ALK: variants seen among roughly 807,000 people sequenced by gnomAD.
ALK encodes ALK tyrosine kinase receptor.
Under a neutral mutation model 163.1 loss-of-function variants are expected in ALK, and 74 were observed. The observed-to-expected ratio is 0.45, with a 90% CI of 0.38 to 0.55. ALK has a LOEUF of 0.55. ALK is among the 20% of genes least tolerant of loss of function. The pLI, the probability that ALK is intolerant of heterozygous loss-of-function variation, is 0.00. For synonymous variants in ALK, 960 were observed against 843.2 expected, an observed-to-expected ratio of 1.14 and a Z score of -2.40; for missense variants, 2,063 against 2,105.3, an observed-to-expected ratio of 0.98 and a Z score of 0.39.
chr2:29,625,026 A>C (rs1386328185), intron 3 of ALK, among the ~76,000 whole-genome samples: 1 of 152,090 alleles, frequency 6.6e-6, no homozygotes, highest in Non-Finnish European at 1.5e-5. Flanking sequence ...TGCCCACATG[A>C]GTGGTATGGA....
intron 4 of ALK, among the ~76,000 whole-genome samples, chr2:29,435,579 T>C (rs888236038): frequency 6.6e-6 from 1 of 150,560 alleles, no homozygotes; most frequent in South Asian, 2.1e-4. Flanking sequence ...AACATAAAAA[T>C]ACAGAAGTTT....
In ALK at chr2:29,775,499, T is replaced by C. The variant is rs145546829; in HGVS notation, c.668-57802A>G. Among the ~76,000 whole-genome samples, 717 of 151,708 alleles carry C rather than the reference T, an allele frequency of 4.7e-3. 8 individuals are homozygous for C. Among genetic ancestry groups the C allele is most frequent in the African/African-American group, 0.016 (669 of 41,264 alleles). On this transcript the variant is annotated intron_variant, in intron 1 of 28. Coordinates refer to ENST00000389048, the MANE Select transcript of ALK (RefSeq NM_004304.5). ...GCTTTTCCTCATAGTCAGAAACCTG[T>C]TCCACCATGTAGGATCGGAGTGGAC...
chr2:29,455,853 C>T (rs1670937549), intron 4 of ALK, among the ~76,000 whole-genome samples: 1 of 152,174 alleles, frequency 6.6e-6, no homozygotes, highest in Non-Finnish European at 1.5e-5. Context: ...AGAGAACTGA[C>T]ACAACCAGGC....
chr2:29,532,789 A>C (rs1371238671), intron 3 of ALK, among the ~76,000 whole-genome samples: 4 of 152,224 alleles, frequency 2.6e-5, no homozygotes, highest in Admixed American at 6.5e-5. Flanking sequence ...TGTTCCAGGC[A>C]TTCCTTCTGA....
chr2:29,894,820 A>G (rs1667227076), intron 1 of ALK, among the ~76,000 whole-genome samples: 1 of 150,636 alleles, frequency 6.6e-6, no homozygotes, highest in Admixed American at 6.6e-5. Flanking sequence ...ATCTGTGAGA[A>G]TGTGATGCTT....
intron 3 of ALK, among the ~76,000 whole-genome samples, chr2:29,653,233 G>A (rs556665775): frequency 2.8e-4 from 43 of 152,220 alleles, no homozygotes; most frequent in African/African-American, 1.0e-3. Flanking sequence ...TTTGGCGTGA[G>A]AGCTGAGAAA....
chr2:29,281,120 G>A (rs943681204), intron 9 of ALK, among the ~76,000 whole-genome samples: 12 of 152,208 alleles, frequency 7.9e-5, no homozygotes, highest in African/African-American at 2.9e-4. Flanking sequence ...GTTCTGGCAT[G>A]TAGACCACTC....
At chr2:29,686,569 G>C (rs951334326) in intron 3 of ALK, among the ~76,000 whole-genome samples, 1 of 152,222 alleles carries the variant, frequency 6.6e-6, no homozygotes, top group Non-Finnish European at 1.5e-5. Context: ...TCAAGACCCA[G>C]AGAGGTAAAG....
intron 3 of ALK, among the ~76,000 whole-genome samples, chr2:29,560,392 C>T (rs1673986527): frequency 6.6e-6 from 1 of 152,058 alleles, no homozygotes; most frequent in South Asian, 2.1e-4. Flanking sequence ...GCTGTAGAGA[C>T]AAGAAATAGA....
chr2:29,547,643 C>G (rs1673591459), intron 3 of ALK, among the ~76,000 whole-genome samples: 5 of 152,108 alleles, frequency 3.3e-5, no homozygotes, highest in Admixed American at 3.3e-4. Context: ...TAAGAAAGGC[C>G]AGAGGGGAAC....
intron 4 of ALK, among the ~76,000 whole-genome samples, chr2:29,417,431 G>T (rs1163238632): frequency 1.3e-5 from 2 of 152,112 alleles, no homozygotes; most frequent in African/African-American, 4.8e-5. Flanking sequence ...TGTAAAATGA[G>T]TTCTGTAGAA....
rs112125804 is a variant in ALK, at chr2:29,595,867, A to C, written c.953-63751T>G. ...AGTTTTCTGAAGCTGAGAGAATTCC[A>C]GGACTGAAGGGAAAAAGCAGAAGAA... is the stretch of plus-strand genomic sequence containing the variant. On this transcript the variant is annotated intron_variant, in intron 3 of 28. Transcript: ENST00000389048. Among the ~76,000 whole-genome samples, 175 of 152,366 alleles carry C rather than the reference A, an allele frequency of 1.1e-3. 2 individuals are homozygous for C. Among genetic ancestry groups the C allele is most frequent in the African/African-American group, 3.2e-3 (132 of 41,590 alleles).
intron 1 of ALK, among the ~76,000 whole-genome samples, chr2:29,883,047 G>C (rs182512350): frequency 6.6e-6 from 1 of 151,804 alleles, no homozygotes; most frequent in East Asian, 1.9e-4. Flanking sequence ...GGAAGGAAGG[G>C]AGCAGAGGGT....
intron 3 of ALK, among the ~76,000 whole-genome samples, chr2:29,656,107 G>T (rs186174705): frequency 1.6e-4 from 24 of 152,172 alleles, no homozygotes; most frequent in Non-Finnish European, 3.2e-4. Flanking sequence ...TGATTGCAGG[G>T]CTGTGTGTGT....
chr2:29,747,119 G>A (rs554490733), intron 1 of ALK, among the ~76,000 whole-genome samples: 12 of 152,228 alleles, frequency 7.9e-5, no homozygotes, highest in African/African-American at 2.4e-4. Context: ...TTTCATGAGT[G>A]GCCAGTGCTG....
At chr2:29,342,355 A>C (rs1178339856) in intron 5 of ALK, among the ~76,000 whole-genome samples, 1 of 152,234 alleles carries the variant, frequency 6.6e-6, no homozygotes, top group Non-Finnish European at 1.5e-5. Context: ...TCAAAAAGAC[A>C]AATGTGCCAT....
intron 2 of ALK, among the ~76,000 whole-genome samples, chr2:29,714,029 A>C (rs1277896296): frequency 6.6e-6 from 1 of 152,090 alleles, no homozygotes; most frequent in Non-Finnish European, 1.5e-5. Flanking sequence ...TGCCTTTCAA[A>C]ACCCCCGGTG....
At chr2:29,214,797 G>A (rs975026180) in intron 23 of ALK, among the ~76,000 whole-genome samples, 1 of 152,154 alleles carries the variant, frequency 6.6e-6, no homozygotes, top group African/African-American at 2.4e-5. Flanking sequence ...CTAAATCCCT[G>A]ACGTGTGCGG....
intron 4 of ALK, among the ~76,000 whole-genome samples, chr2:29,430,600 C>A (rs1306528903): frequency 6.6e-6 from 1 of 152,188 alleles, no homozygotes; most frequent in Admixed American, 6.5e-5. Context: ...TTTGCCCACT[C>A]ATGCCCTAGA....
Sources: gnomAD v4.1 joint callset for allele counts (sites outside exome capture counted in the v4.1 genomes callset) on GRCh38, gnomAD v4.1.1 for gene constraint, MANE v1.5 for transcripts, NCBI Gene and HGNC (gene_info 2026-07-23, HGNC 2026-07-21) for gene names.